TAFA2: variants seen among roughly 807,000 people sequenced by gnomAD.
TAFA2 encodes chemokine-like protein TAFA-2.
In TAFA2, 7 loss-of-function variants were observed where a neutral mutation model predicts 18.8. The observed-to-expected ratio is 0.37, with a 90% CI of 0.21 to 0.70. TAFA2 has a LOEUF of 0.70. TAFA2 is among the 30% of genes least tolerant of loss of function. The probability of loss-of-function intolerance (pLI) is 0.53; values close to 1 mark genes in which losing one functional copy is unlikely to be tolerated. For synonymous variants in TAFA2, 60 were observed against 54.2 expected (o/e 1.11, Z -0.47); for missense variants, 122 against 158.1 (o/e 0.77, Z 1.23).
chr12:62,150,759 C>T (rs926225785), intron 1 of TAFA2, among the ~76,000 whole-genome samples: 11 of 151,864 alleles, frequency 7.2e-5, no homozygotes, highest in South Asian at 2.1e-4. Context: ...ACAAAAACTT[C>T]GCCAGGCATG....
chr12:61,824,244 A>G (rs1347782558), intron 2 of TAFA2, among the ~76,000 whole-genome samples: 4 of 152,196 alleles, frequency 2.6e-5, no homozygotes. Flanking sequence ...GCCTCTGATG[A>G]GACTGCAGAC....
chr12:62,110,955 T>C (rs1869703101), intron 1 of TAFA2, among the ~76,000 whole-genome samples: 1 of 152,108 alleles, frequency 6.6e-6, no homozygotes, highest in Admixed American at 6.5e-5. Flanking sequence ...ATTCATTGAT[T>C]TTTTTGAAGG....
At chr12:61,818,607 T>C (rs1484731535) in intron 2 of TAFA2, among the ~76,000 whole-genome samples, 1 of 151,928 alleles carries the variant, frequency 6.6e-6, no homozygotes, top group Non-Finnish European at 1.5e-5. Context: ...CAGGTGGTAA[T>C]GGAACTCTGG....
At chr12:62,018,785 C>T (rs556292070) in intron 1 of TAFA2, among the ~76,000 whole-genome samples, 56 of 152,250 alleles carry the variant, frequency 3.7e-4, no homozygotes, top group African/African-American at 1.3e-3. Context: ...ATGTCTAAAA[C>T]AACAAAAGCA....
At chr12:62,235,488 C>G in intron 1 of TAFA2, 2 of 591,542 alleles carry the variant, frequency 3.4e-6, no homozygotes, top group South Asian at 1.9e-5. Flanking sequence ...GCTTCCTGCT[C>G]CTTCTCAGCC....
At chr12:62,002,695 T>A (rs1387184208) in intron 1 of TAFA2, among the ~76,000 whole-genome samples, 1 of 152,164 alleles carries the variant, frequency 6.6e-6, no homozygotes, top group African/African-American at 2.4e-5. Flanking sequence ...ATAGAGATAG[T>A]CCTTCCAACA....
At position 61,970,019 on chromosome 12, in the gene TAFA2, C is replaced by T. The variant is rs1879194244; in HGVS notation, c.-1-102593G>A. 3.3e-5 allele frequency among the ~76,000 whole-genome samples: 5 copies of T among 151,532 alleles called. 1 individual carries two copies. In the South Asian group the frequency reaches 1.0e-3, roughly 31 times the overall value. On this transcript the variant is annotated intron_variant, in intron 1 of 4. Coordinates refer to ENST00000416284, the MANE Select transcript of TAFA2 (RefSeq NM_178539.5). ...GGAGCTTGACAGTCATAATAAGAGG[C>T]CTAGACTCAAAGCAGAAGTTTGGAC...
intron 1 of TAFA2, among the ~76,000 whole-genome samples, chr12:62,251,184 C>A (rs148455917): frequency 1.3e-5 from 2 of 152,198 alleles, no homozygotes; most frequent in African/African-American, 4.8e-5. Flanking sequence ...GGAATAATGA[C>A]AACAGTATTA....
intron 1 of TAFA2, among the ~76,000 whole-genome samples, chr12:62,176,637 TAAC>T (rs2062516065): frequency 2.0e-5 from 3 of 152,182 alleles, no homozygotes; most frequent in African/African-American, 7.2e-5. Context: ...TTTTAATACA[TAAC>T]AACGCTTTTC....
At chr12:61,867,563 G>T (rs961679462) in intron 1 of TAFA2, 137 bp from the exon 2 acceptor site, 5 of 593,526 alleles carry the variant, frequency 8.4e-6, no homozygotes, top group East Asian at 2.9e-5. Flanking sequence ...TATTTAAAAT[G>T]CTGTTCACTG....
intron 4 of TAFA2, among the ~76,000 whole-genome samples, chr12:61,736,420 T>C (rs960533680): frequency 6.6e-6 from 1 of 152,014 alleles, no homozygotes; most frequent in African/African-American, 2.4e-5. Flanking sequence ...GTTATGTGGA[T>C]TCAACTTTAC....
rs185623640 is a variant in TAFA2 at position 61,742,735 on chromosome 12, C to A, written c.384+10887G>T. Among the ~76,000 whole-genome samples the A allele has an allele frequency of 2.0e-5, 3 of 152,182 alleles. No homozygotes were observed. In the East Asian group the frequency reaches 5.8e-4, roughly 30 times the overall value. On this transcript the variant is annotated intron_variant, in intron 4 of 4. Coordinates refer to ENST00000416284, the MANE Select transcript of TAFA2 (RefSeq NM_178539.5). ...TATCTCTACCTCATAGTCTCATTAG[C>A]AATTACTATTGCAACAATAAGTCAA...
chr12:61,963,684 C>T (rs1878968237), intron 1 of TAFA2, among the ~76,000 whole-genome samples: 2 of 151,930 alleles, frequency 1.3e-5, no homozygotes, highest in South Asian at 2.1e-4. Context: ...ATGCTATCCC[C>T]ATCAAGCTAC....
intron 2 of TAFA2, among the ~76,000 whole-genome samples, chr12:61,844,111 T>A (rs1873303264): frequency 6.6e-6 from 1 of 152,172 alleles, no homozygotes; most frequent in Admixed American, 6.6e-5. Flanking sequence ...TTGTACTTTT[T>A]CATTATTCAT....
At chr12:61,792,369 T>A (rs1871017922) in intron 2 of TAFA2, among the ~76,000 whole-genome samples, 1 of 151,632 alleles carries the variant, frequency 6.6e-6, no homozygotes, top group African/African-American at 2.4e-5. Context: ...GTACTGTATA[T>A]CTCAAAATAG....
chr12:62,060,927 T>C (rs919144751), intron 1 of TAFA2, among the ~76,000 whole-genome samples: 1 of 151,738 alleles, frequency 6.6e-6, no homozygotes. Flanking sequence ...AAATTAAAAA[T>C]TAAAAAAGTT....
chr12:61,735,499 A>G (rs1868289852), intron 4 of TAFA2, among the ~76,000 whole-genome samples: 1 of 152,106 alleles, frequency 6.6e-6, no homozygotes, highest in African/African-American at 2.4e-5. Context: ...TAGCATATTC[A>G]TCATTCTAAA....
intron 1 of TAFA2, among the ~76,000 whole-genome samples, chr12:61,919,656 A>T (rs1262042681): frequency 6.6e-6 from 1 of 151,226 alleles, no homozygotes; most frequent in East Asian, 1.9e-4. Context: ...CTGTATATCT[A>T]TTTTATATTT....
At chr12:61,795,340 T>A (rs1207557694) in intron 2 of TAFA2, among the ~76,000 whole-genome samples, 3 of 152,034 alleles carry the variant, frequency 2.0e-5, no homozygotes, top group African/African-American at 4.8e-5. Flanking sequence ...CAAATGTCCA[T>A]CAATGATAGA....
Sources: gnomAD v4.1 joint callset for allele counts (sites outside exome capture counted in the v4.1 genomes callset) on GRCh38, gnomAD v4.1.1 for gene constraint, MANE v1.5 for transcripts, NCBI Gene and HGNC (gene_info 2026-07-23, HGNC 2026-07-21) for gene names.